COX15: variants seen among roughly 807,000 people sequenced by gnomAD.
The protein encoded by COX15 is heme A synthase COX15.
In COX15, 51 loss-of-function variants were observed where a neutral mutation model predicts 51.9. The observed-to-expected ratio is 0.98, with a 90% CI of 0.78 to 1.24. The LOEUF is 1.24. Ranked by LOEUF, COX15 falls within the 50% of genes most tolerant of loss-of-function variation. The pLI, the probability that COX15 is intolerant of heterozygous loss-of-function variation, is 0.00. For missense variants in COX15, 420 were observed against 501.1 expected, an observed-to-expected ratio of 0.84 and a Z score of 1.55; for synonymous variants, 188 against 190.5, an observed-to-expected ratio of 0.99 and a Z score of 0.11.
chr10:99,715,102 T>C (rs2036524103), intron 8 of COX15, among the ~76,000 whole-genome samples: 1 of 152,216 alleles, frequency 6.6e-6, no homozygotes, highest in Non-Finnish European at 1.5e-5. Flanking sequence ...TAAACTGCTG[T>C]GCAGTATCGC....
the COX15 span, chr10:99,702,747 C>CTTT: frequency 1.8e-6 from 2 of 1,125,608 alleles, no homozygotes; most frequent in Non-Finnish European, 2.4e-6. Context: ...CGGTTTCTTT[C>CTTT]TTTTTTTTTT....
rs1288736424 is a variant in COX15 at position 99,711,740 on chromosome 10, C to T, written c.*2847G>A. ...GTTGGGAATCTCTTCTAGGCAATAG[C>T]ATAAGCCCAGCCAGGGTCCAGCATT... On this transcript the variant is annotated 3_prime_UTR_variant, in exon 9 of 9. Coordinates refer to ENST00000016171, the MANE Select transcript of COX15 (RefSeq NM_078470.6). 8.1e-6 allele frequency: 8 copies of T among 985,308 alleles called. No individual in the cohort carries two copies. In the African/African-American group the frequency reaches 1.4e-4, roughly 17 times the overall value. 61.0% of individuals were successfully genotyped at this position (985,308 alleles called of 1,614,324 possible).
intron 7 of COX15, 103 bp from the exon 8 acceptor site, chr10:99,716,564 T>C (rs1475788489): frequency 1.3e-6 from 1 of 781,144 alleles, no homozygotes; most frequent in African/African-American, 1.7e-5. Flanking sequence ...TGAAGTACTT[T>C]CCTGTACCAG....
chr10:99,695,349 C>CCGT, the COX15 span, among the ~76,000 whole-genome samples: 4 of 151,950 alleles, frequency 2.6e-5, no homozygotes, highest in African/African-American at 9.7e-5. Flanking sequence ...ATGGTGAAAC[C>CCGT]CGTCTCCACT....
the COX15 span, chr10:99,704,718 C>A: frequency 1.9e-6 from 3 of 1,566,364 alleles, no homozygotes; most frequent in East Asian, 2.3e-5. Flanking sequence ...TGAGCACCCC[C>A]GAGTTGCTGC....
At chr10:99,698,342 CCT>C in the COX15 span, among the ~76,000 whole-genome samples, 4 of 152,236 alleles carry the variant, frequency 2.6e-5, no homozygotes, top group East Asian at 1.9e-4. Context: ...TCACCATATT[CCT>C]CTCTTTTTTT....
the COX15 span, among the ~76,000 whole-genome samples, chr10:99,703,065 G>A: frequency 6.6e-6 from 1 of 152,196 alleles, no homozygotes; most frequent in African/African-American, 2.4e-5. Flanking sequence ...GATGTCTAGA[G>A]CAATCTTTCA....
the COX15 span, among the ~76,000 whole-genome samples, chr10:99,700,610 G>A: frequency 6.6e-6 from 1 of 152,152 alleles, no homozygotes. Context: ...AACACCGAGG[G>A]AGGCCAATGA....
the COX15 span, among the ~76,000 whole-genome samples, chr10:99,695,520 CA>C: frequency 2.3e-3 from 262 of 113,842 alleles, no homozygotes; most frequent in African/African-American, 6.6e-3. Context: ...GACTCTGTCT[CA>C]AAAAAAAAAA....
At chr10:99,725,574 T>C (rs2036920842) in intron 4 of COX15, among the ~76,000 whole-genome samples, 2 of 152,260 alleles carry the variant, frequency 1.3e-5, no homozygotes, top group South Asian at 2.1e-4. Flanking sequence ...TTTATTTTTT[T>C]TGAGCCAGAG....
At chr10:99,696,209 A>ATAAG in the COX15 span, 3 of 1,476,872 alleles carry the variant, frequency 2.0e-6, no homozygotes, top group Non-Finnish European at 2.8e-6. Context: ...CCTAAGACAG[A>ATAAG]TAAGTCCCTG....
Position 99,718,428 on chromosome 10 carries a change from G to C in COX15, c.905C>G (p.Pro302Arg), listed in dbSNP as rs764210757. 3 of 1,613,922 alleles carry C rather than the reference G, an allele frequency of 1.9e-6. No homozygotes were observed. The highest frequency in any genetic ancestry group is 2.5e-6 in the Non-Finnish European group (3 of 1,179,996). ...SFPKMGESWIPEDLFTFSPIL... is the reference protein window; with the variant it reads ...SFPKMGESWIREDLFTFSPIL... ...GGGGGAGAAGGTAAAGAGGTCCTCCGGGATCCAGGATTCTCCCATTTTGGG... is the reference window on the plus strand; with the variant it reads ...GGGGGAGAAGGTAAAGAGGTCCTCCCGGATCCAGGATTCTCCCATTTTGGG... Residue 302 changes from proline to arginine, a missense_variant, in exon 7 of 9, where the codon CCG becomes CGG. Transcript: ENST00000016171.
intron 1 of COX15, among the ~76,000 whole-genome samples, chr10:99,730,340 T>C (rs1740704547): frequency 6.6e-6 from 1 of 152,204 alleles, no homozygotes; most frequent in South Asian, 2.1e-4. Flanking sequence ...ATCCCAGCAC[T>C]TTGGGAGGCA....
rs75829740 is a variant in COX15 at position 99,729,983 on chromosome 10, T to A, written c.91-249A>T. Among the ~76,000 whole-genome samples the A allele has an allele frequency of 0.021, 3,148 of 152,308 alleles. 104 individuals are homozygous for A. The highest frequency in any genetic ancestry group is 0.072 in the African/African-American group (2,979 of 41,558). On this transcript the variant is annotated intron_variant, in intron 1 of 8. Coordinates refer to ENST00000016171, the MANE Select transcript of COX15 (RefSeq NM_078470.6). Reference sequence around the variant, plus strand: ...TCATCTCTGAATACTTCCCTCAGACTTCACTCTACTTACAGATATGGAATA... The same window carrying A: ...TCATCTCTGAATACTTCCCTCAGACATCACTCTACTTACAGATATGGAATA...
At chr10:99,719,597 C>T (rs2036694975) in intron 6 of COX15, among the ~76,000 whole-genome samples, 1 of 152,030 alleles carries the variant, frequency 6.6e-6, no homozygotes, top group Non-Finnish European at 1.5e-5. Context: ...CTCAAGCAAT[C>T]CTCCCGCCTC....
rs756596418 is a variant in COX15 at position 99,718,483 on chromosome 10, G to A, written c.850C>T (p.Leu284=). ...GAGTTATAAACAAGCCCAGCATCTA[G>A]CCCTGCCACAAAAGCCCCTGTATTC... The part of the protein sequence containing the change: ...TALSGAFVAG[L]DAGLVYNSFP... The change falls in exon 7 of 9, where the codon CTA becomes TTA. Residue 284 remains leucine, a synonymous_variant. Coordinates refer to ENST00000016171, the MANE Select transcript of COX15 (RefSeq NM_078470.6). 2 of 1,613,392 alleles carry A rather than the reference G, an allele frequency of 1.2e-6. No individual in the cohort carries two copies. Among genetic ancestry groups the A allele is most frequent in the Admixed American group, 3.3e-5 (2 of 60,012 alleles).
the COX15 span, chr10:99,704,510 G>A: frequency 6.2e-7 from 1 of 1,614,184 alleles, no homozygotes; most frequent in Non-Finnish European, 8.5e-7. Context: ...TCTCTCCTTT[G>A]TATACAACCA....
the COX15 span, chr10:99,704,850 TCTC>T: frequency 1.5e-6 from 1 of 647,308 alleles, no homozygotes; most frequent in Non-Finnish European, 2.6e-6. Flanking sequence ...ACCCAGGTCT[TCTC>T]TGAGAGAAGC....
chr10:99,710,368 A>T (rs1380812402), downstream of COX15: 22 of 985,326 alleles, frequency 2.2e-5, no homozygotes, highest in South Asian at 3.8e-4. Flanking sequence ...CCTGAAGTAC[A>T]TGCCATGTAC....
Sources: gnomAD v4.1 joint callset for allele counts (sites outside exome capture counted in the v4.1 genomes callset) on GRCh38, gnomAD v4.1.1 for gene constraint, MANE v1.5 for transcripts, NCBI Gene and HGNC (gene_info 2026-07-23, HGNC 2026-07-21) for gene names.